The following GPC5 variants were observed in gnomAD, a reference collection of about 807,000 sequenced individuals.
The protein encoded by GPC5 is glypican-5.
A neutral mutation model predicts 53.9 loss-of-function variants in GPC5; 47 were observed. The observed-to-expected ratio is 0.87, with a 90% CI of 0.69 to 1.11. GPC5 has a LOEUF of 1.11. Ranked by LOEUF, GPC5 falls within the 50% of genes most tolerant of loss-of-function variation. The probability of loss-of-function intolerance (pLI) is 0.00; values close to 1 mark genes in which losing one functional copy is unlikely to be tolerated. For missense variants in GPC5, 748 were observed against 713.1 expected (o/e 1.05, Z -0.56); for synonymous variants, 286 against 263.3 (o/e 1.09, Z -0.84).
At chr13:92,560,817 C>A (rs1882668078) in intron 7 of GPC5, among the ~76,000 whole-genome samples, 1 of 151,068 alleles carries the variant, frequency 6.6e-6, no homozygotes, top group Non-Finnish European at 1.5e-5. Flanking sequence ...AAGGCCAGTT[C>A]TCCTCAACGA....
chr13:92,559,338 G>A (rs979737395), intron 7 of GPC5, among the ~76,000 whole-genome samples: 4 of 143,374 alleles, frequency 2.8e-5, no homozygotes, highest in African/African-American at 1.2e-4. Flanking sequence ...ATATGTGTGT[G>A]TGTGTGTGTG....
intron 7 of GPC5, among the ~76,000 whole-genome samples, chr13:92,321,692 C>G (rs957890588): frequency 6.6e-6 from 1 of 151,972 alleles, no homozygotes; most frequent in African/African-American, 2.4e-5. Context: ...GGAAAAACAT[C>G]CAGAAACAAA....
intron 2 of GPC5, among the ~76,000 whole-genome samples, chr13:91,669,836 A>C (rs551331517): frequency 6.6e-6 from 1 of 152,316 alleles, no homozygotes; most frequent in South Asian, 2.1e-4. Flanking sequence ...TTTGATTGAA[A>C]GAGATGTATT....
At chr13:91,991,348 C>A (rs185837330) in intron 6 of GPC5, among the ~76,000 whole-genome samples, 97 of 152,268 alleles carry the variant, frequency 6.4e-4, no homozygotes, top group African/African-American at 2.2e-3. Flanking sequence ...GAGACATAAT[C>A]TGTTTTATTT....
At chr13:92,004,750 C>T (rs1477880594) in intron 6 of GPC5, among the ~76,000 whole-genome samples, 1 of 151,648 alleles carries the variant, frequency 6.6e-6, no homozygotes, top group Non-Finnish European at 1.5e-5. Flanking sequence ...GCACATCTTA[C>T]GTGGTGGCAG....
intron 2 of GPC5, among the ~76,000 whole-genome samples, chr13:91,643,840 A>G (rs1044907787): frequency 2.6e-5 from 4 of 152,152 alleles, no homozygotes; most frequent in Non-Finnish European, 4.4e-5. Flanking sequence ...AGTCTCCATT[A>G]CACTCATATG....
At chr13:92,165,608 G>C (rs1486167217) in intron 7 of GPC5, among the ~76,000 whole-genome samples, 1 of 152,140 alleles carries the variant, frequency 6.6e-6, no homozygotes, top group Non-Finnish European at 1.5e-5. Context: ...AACAGCATAG[G>C]AGAACCACCC....
chr13:92,415,267 T>G (rs1266004880), intron 7 of GPC5, among the ~76,000 whole-genome samples: 1 of 152,152 alleles, frequency 6.6e-6, no homozygotes, highest in Admixed American at 6.5e-5. Context: ...AGTGCAACAC[T>G]CCAGAGAGTG....
intron 6 of GPC5, among the ~76,000 whole-genome samples, chr13:92,119,725 A>G (rs1301502293): frequency 6.6e-6 from 1 of 151,554 alleles, no homozygotes; most frequent in African/African-American, 2.4e-5. Context: ...CTTTGTTACT[A>G]TCTGAATTAA....
At chr13:92,674,094 T>A (rs1257749691) in intron 7 of GPC5, among the ~76,000 whole-genome samples, 3 of 152,216 alleles carry the variant, frequency 2.0e-5, no homozygotes, top group Non-Finnish European at 4.4e-5. Flanking sequence ...ATCTATGCCT[T>A]CCATTTGATT....
At chr13:92,036,555 C>G (rs2040894690) in intron 6 of GPC5, among the ~76,000 whole-genome samples, 1 of 152,156 alleles carries the variant, frequency 6.6e-6, no homozygotes, top group African/African-American at 2.4e-5. Context: ...TTAACATAAG[C>G]TTTAGTTTTG....
chr13:92,187,311 A>G (rs1386321251), intron 7 of GPC5, among the ~76,000 whole-genome samples: 2 of 152,192 alleles, frequency 1.3e-5, no homozygotes, highest in African/African-American at 4.8e-5. Context: ...AAAACAAATT[A>G]TTCATTTGCT....
At chr13:91,881,066 CA>C (rs2039259151) in intron 5 of GPC5, among the ~76,000 whole-genome samples, 1 of 152,118 alleles carries the variant, frequency 6.6e-6, no homozygotes, top group African/African-American at 2.4e-5. Context: ...GCGGGGATTA[CA>C]GGGGTAAGCC....
At chr13:92,324,038 C>G (rs902935620) in intron 7 of GPC5, among the ~76,000 whole-genome samples, 1 of 151,890 alleles carries the variant, frequency 6.6e-6, no homozygotes, top group African/African-American at 2.4e-5. Context: ...CCTCCTTTCT[C>G]AAGACATTCA....
intron 1 of GPC5, among the ~76,000 whole-genome samples, chr13:91,448,420 T>G (rs1016605524): frequency 1.3e-5 from 2 of 152,222 alleles, no homozygotes; most frequent in Non-Finnish European, 2.9e-5. Flanking sequence ...TTTCAAGCAA[T>G]TTTGGCTGAA....
chr13:92,149,427 T>C (rs370162528), intron 7 of GPC5, among the ~76,000 whole-genome samples: 12 of 152,024 alleles, frequency 7.9e-5, no homozygotes, highest in African/African-American at 2.7e-4. Context: ...AGTAGGATAA[T>C]ACATTGCAAT....
intron 7 of GPC5, among the ~76,000 whole-genome samples, chr13:92,591,507 A>G (rs1166378008): frequency 6.6e-6 from 1 of 152,214 alleles, no homozygotes; most frequent in Non-Finnish European, 1.5e-5. Context: ...CATGTACAAC[A>G]TAATATTTGA....
intron 7 of GPC5, among the ~76,000 whole-genome samples, chr13:92,209,272 G>A (rs1360481677): frequency 6.6e-6 from 1 of 152,112 alleles, no homozygotes; most frequent in Non-Finnish European, 1.5e-5. Flanking sequence ...TGAATTGTTT[G>A]TATACTAATT....
intron 5 of GPC5, among the ~76,000 whole-genome samples, chr13:91,851,462 C>T (rs1289376533): frequency 6.6e-6 from 1 of 151,984 alleles, no homozygotes; most frequent in South Asian, 2.1e-4. Flanking sequence ...TTATAAACAC[C>T]GTACACTTAG....
Sources: allele counts gnomAD v4.1 joint callset (sites outside exome capture counted in the v4.1 genomes callset), GRCh38; gene constraint gnomAD v4.1.1; transcripts MANE v1.5; gene names NCBI Gene and HGNC (gene_info 2026-07-23, HGNC 2026-07-21).